PGBD2: variants seen among roughly 807,000 people sequenced by gnomAD.
The protein encoded by PGBD2 is piggyBac transposable element derived 2, also known as piggyBac transposable element-derived protein 2.
In PGBD2, 6 loss-of-function variants were observed where a neutral mutation model predicts 8.1. That is an observed-to-expected ratio of 0.74 (90% CI 0.40 to 1.46). The LOEUF is 1.46. Among genes scored for constraint, PGBD2 ranks in the 40% most tolerant of loss-of-function variants. The pLI, the probability that PGBD2 is intolerant of heterozygous loss-of-function variation, is 0.02. For synonymous variants in PGBD2, 318 were observed against 272.2 expected (o/e 1.17, Z -1.66); for missense variants, 802 against 739.0 (o/e 1.09, Z -0.99).
chr1:248,895,400 G>A, the PGBD2 span, among the ~76,000 whole-genome samples: 1 of 152,164 alleles, frequency 6.6e-6, no homozygotes, highest in Non-Finnish European at 1.5e-5. Flanking sequence ...GAAGGTCTGA[G>A]TAGCAAGGGT....
intron 1 of PGBD2, chr1:248,906,612 G>T (rs1661648080): frequency 8.6e-6 from 1 of 116,704 alleles, no homozygotes; most frequent in Non-Finnish European, 1.7e-5. Context: ...GCGGGGTCGG[G>T]CTAAAGAGGG....
At chr1:248,877,419 C>T in the PGBD2 span, among the ~76,000 whole-genome samples, 190 of 152,308 alleles carry the variant, frequency 1.2e-3, no homozygotes, top group African/African-American at 3.8e-3. Context: ...ACTTCAGCCT[C>T]ACCAGCGGCT....
At chr1:248,874,477 C>T in the PGBD2 span, among the ~76,000 whole-genome samples, 4 of 152,244 alleles carry the variant, frequency 2.6e-5, no homozygotes, top group South Asian at 6.2e-4. Flanking sequence ...TTATGCGCGC[C>T]GTATATGTAG....
the PGBD2 span, among the ~76,000 whole-genome samples, chr1:248,890,400 C>A: frequency 6.6e-6 from 1 of 152,046 alleles, no homozygotes; most frequent in Non-Finnish European, 1.5e-5. Flanking sequence ...CGTTTTTATG[C>A]GAAGAAACAG....
downstream of PGBD2, among the ~76,000 whole-genome samples, chr1:248,923,994 A>T (rs1258125636): frequency 1.3e-5 from 2 of 152,196 alleles, no homozygotes; most frequent in Non-Finnish European, 2.9e-5. Flanking sequence ...TTTAAAAAGG[A>T]AAAAACCAAG....
At chr1:248,875,017 G>T in the PGBD2 span, among the ~76,000 whole-genome samples, 1 of 152,086 alleles carries the variant, frequency 6.6e-6, no homozygotes, top group Non-Finnish European at 1.5e-5. Flanking sequence ...GATCTGTATG[G>T]CCTGGCGCGG....
downstream of PGBD2, among the ~76,000 whole-genome samples, chr1:248,924,184 C>T (rs1662341010): frequency 6.6e-6 from 1 of 152,204 alleles, no homozygotes; most frequent in Non-Finnish European, 1.5e-5. Context: ...TCCAGAAATC[C>T]ATCTCCCAGG....
At chr1:248,913,495 T>C (rs1056682727) in intron 1 of PGBD2, among the ~76,000 whole-genome samples, 1 of 152,192 alleles carries the variant, frequency 6.6e-6, no homozygotes, top group Non-Finnish European at 1.5e-5. Context: ...TTATGGATCG[T>C]GCAGCGGGAT....
At chr1:248,909,778 G>A (rs1452238620) in intron 1 of PGBD2, among the ~76,000 whole-genome samples, 1 of 152,212 alleles carries the variant, frequency 6.6e-6, no homozygotes, top group African/African-American at 2.4e-5. Flanking sequence ...CACACAAGAA[G>A]AAAGCAAAGC....
intron 1 of PGBD2, among the ~76,000 whole-genome samples, chr1:248,907,650 T>A (rs892299621): frequency 1.4e-4 from 22 of 152,192 alleles, no homozygotes; most frequent in Admixed American, 2.0e-4. Flanking sequence ...TGGTGATGAC[T>A]TTTACCAAGC....
the PGBD2 span, among the ~76,000 whole-genome samples, chr1:248,890,076 C>T: frequency 0.024 from 3,678 of 151,952 alleles, 74 homozygotes; most frequent in East Asian, 0.073. Context: ...TACAGGCATG[C>T]GCCACCACGC....
the PGBD2 span, among the ~76,000 whole-genome samples, chr1:248,928,142 C>T: frequency 6.6e-6 from 1 of 152,114 alleles, no homozygotes; most frequent in Non-Finnish European, 1.5e-5. Context: ...GCCTTTGTCA[C>T]TTCAAACACC....
rs762317540 is a variant in PGBD2, at chr1:248,918,045, T to G, written c.1461T>G (p.Ile487Met). 8.7e-6 allele frequency: 14 copies of G among 1,614,240 alleles called. No homozygotes were observed. In the South Asian group the frequency reaches 1.5e-4, roughly 18 times the overall value. ...IRGMKWYSSF[I>M]GYVIDAALNN... Reference sequence around the variant, plus strand: ...GCATGAAGTGGTACTCAAGCTTTATTGGCTATGTCATTGATGCTGCCCTCA... The same window carrying G: ...GCATGAAGTGGTACTCAAGCTTTATGGGCTATGTCATTGATGCTGCCCTCA... The change falls in exon 3 of 3, where the codon ATT becomes ATG. Residue 487 changes from isoleucine to methionine, a missense_variant. By Grantham distance (10) the Ile-to-Met change is conservative (BLOSUM62 1). Transcript: ENST00000329291.
chr1:248,923,864 A>G (rs968013898), downstream of PGBD2, among the ~76,000 whole-genome samples: 2 of 152,132 alleles, frequency 1.3e-5, no homozygotes, highest in African/African-American at 4.8e-5. Flanking sequence ...ACTTGGCTGG[A>G]CCTCACTCCA....
chr1:248,907,154 AG>A (rs1272167406), intron 1 of PGBD2, among the ~76,000 whole-genome samples: 4 of 152,184 alleles, frequency 2.6e-5, no homozygotes, highest in African/African-American at 7.2e-5. Context: ...GGTGATAAGG[AG>A]GTCAGCAAAG....
the PGBD2 span, among the ~76,000 whole-genome samples, chr1:248,925,168 C>T: frequency 3.3e-5 from 5 of 152,128 alleles, no homozygotes; most frequent in African/African-American, 7.2e-5. Context: ...CACACAAATA[C>T]CAAGGTTAGG....
At chr1:248,904,305 A>G (rs1457772375), upstream of PGBD2, among the ~76,000 whole-genome samples, 2 of 151,518 alleles carry the variant, frequency 1.3e-5, no homozygotes, top group Non-Finnish European at 2.9e-5. Flanking sequence ...AATTCCTATC[A>G]TGCAGTTCTT....
downstream of PGBD2, among the ~76,000 whole-genome samples, chr1:248,922,398 G>A (rs954269683): frequency 6.6e-6 from 1 of 152,164 alleles, no homozygotes; most frequent in Non-Finnish European, 1.5e-5. Context: ...CATGTCATCT[G>A]CAAACAGAGA....
the PGBD2 span, among the ~76,000 whole-genome samples, chr1:248,925,897 A>T: frequency 6.6e-6 from 1 of 152,230 alleles, no homozygotes; most frequent in South Asian, 2.1e-4. Context: ...TAGAAACAAT[A>T]TGGAACTTGT....
Sources: allele counts gnomAD v4.1 joint callset (sites outside exome capture counted in the v4.1 genomes callset), GRCh38; gene constraint gnomAD v4.1.1; transcripts MANE v1.5; gene names NCBI Gene and HGNC (gene_info 2026-07-23, HGNC 2026-07-21).